NBAS: variants seen among roughly 807,000 people sequenced by gnomAD.
NBAS encodes NAG/BC035112 fusion.
A neutral mutation model predicts 302.5 loss-of-function variants in NBAS; 219 were observed. The ratio of observed to expected loss-of-function variants is 0.72; its 90% CI spans 0.65 to 0.81. The LOEUF is 0.81. NBAS is among the 30% of genes least tolerant of loss of function. The pLI, the probability that NBAS is intolerant of heterozygous loss-of-function variation, is 0.00. For synonymous variants in NBAS, 1,118 were observed against 1,021.6 expected (o/e 1.09, Z -1.80); for missense variants, 2,932 against 2,841.6 (o/e 1.03, Z -0.72).
chr2:14,848,728 C>G, the NBAS span, among the ~76,000 whole-genome samples: 1 of 151,244 alleles, frequency 6.6e-6, no homozygotes, highest in Non-Finnish European at 1.5e-5. Flanking sequence ...AGCTGGAGAT[C>G]TGAGAACGGG....
At chr2:14,798,080 C>T in the NBAS span, among the ~76,000 whole-genome samples, 3 of 152,042 alleles carry the variant, frequency 2.0e-5, no homozygotes, top group Admixed American at 6.6e-5. Flanking sequence ...CTCAAATATG[C>T]TATGTTTCTT....
chr2:15,154,560 T>C, the NBAS span, among the ~76,000 whole-genome samples: 2 of 152,194 alleles, frequency 1.3e-5, no homozygotes. Context: ...TCTACATTCT[T>C]GCATGATTCA....
rs1360905462 is a variant in NBAS at position 15,461,337 on chromosome 2, C to T, written c.2203G>A (p.Glu735Lys). ...ATTTCCAGGGCTTGTACATTACTTTCCTGTACAAAAGGCAAGGGGTAAGTT... is the reference window on the plus strand; with the variant it reads ...ATTTCCAGGGCTTGTACATTACTTTTCTGTACAAAAGGCAAGGGGTAAGTT... ...IVLSARTYAQ[E>K]SNVQALEILF... is the part of the protein sequence containing the mutation. The change falls in exon 21 of 52, where the codon GAA (glutamate) becomes AAA (lysine). Residue 735 changes from glutamate (E) to lysine (K), a missense_variant and splice_region_variant. Transcript: ENST00000281513. 3.7e-6 allele frequency: 6 copies of T among 1,611,378 alleles called. No individual in the cohort carries two copies. In the African/African-American group the frequency reaches 8.0e-5, roughly 22 times the overall value.
chr2:15,025,042 C>T, the NBAS span, among the ~76,000 whole-genome samples: 1 of 152,102 alleles, frequency 6.6e-6, no homozygotes, highest in South Asian at 2.1e-4. Flanking sequence ...TTTGCTAGTT[C>T]CAATGTCCAA....
At chr2:15,257,832 C>A (rs1388259305) in intron 44 of NBAS, among the ~76,000 whole-genome samples, 1 of 152,180 alleles carries the variant, frequency 6.6e-6, no homozygotes, top group African/African-American at 2.4e-5. Context: ...GGCAAAACTT[C>A]TCCACCCACT....
At chr2:15,077,974 G>A in the NBAS span, among the ~76,000 whole-genome samples, 2 of 152,076 alleles carry the variant, frequency 1.3e-5, no homozygotes, top group South Asian at 2.1e-4. Context: ...GAGCCACCAC[G>A]CCTGGCCCAA....
chr2:15,438,479 T>C (rs946111532), intron 21 of NBAS, among the ~76,000 whole-genome samples: 14 of 152,194 alleles, frequency 9.2e-5, no homozygotes, highest in African/African-American at 3.4e-4. Flanking sequence ...GGAACAGTAA[T>C]GAATCTCTTG....
chr2:15,086,452 C>T, the NBAS span, among the ~76,000 whole-genome samples: 3 of 152,224 alleles, frequency 2.0e-5, no homozygotes, highest in Non-Finnish European at 4.4e-5. Flanking sequence ...ACCCACCAAA[C>T]GGTGAGGCTA....
At chr2:15,556,011 A>G (rs1417297984) in intron 3 of NBAS, among the ~76,000 whole-genome samples, 2 of 152,098 alleles carry the variant, frequency 1.3e-5, no homozygotes, top group Non-Finnish European at 2.9e-5. Context: ...TCATTGCTCT[A>G]TCCTATCATA....
the NBAS span, among the ~76,000 whole-genome samples, chr2:15,088,637 G>A: frequency 0.068 from 10,411 of 152,248 alleles, 856 homozygotes; most frequent in African/African-American, 0.18. Flanking sequence ...GGGACCCAGC[G>A]ATTTCCTCTG....
At chr2:14,888,450 C>A in the NBAS span, among the ~76,000 whole-genome samples, 1 of 138,620 alleles carries the variant, frequency 7.2e-6, no homozygotes, top group Admixed American at 7.1e-5. Context: ...GGCACCCGGC[C>A]CCCCCTTTTT....
chr2:15,336,594 G>T (rs1672596576), intron 35 of NBAS, among the ~76,000 whole-genome samples: 1 of 152,080 alleles, frequency 6.6e-6, no homozygotes, highest in African/African-American at 2.4e-5. Context: ...GCCGGGTGTG[G>T]TGGCACACAC....
chr2:15,317,940 T>G (rs1476631011), intron 38 of NBAS, among the ~76,000 whole-genome samples: 2 of 151,934 alleles, frequency 1.3e-5, no homozygotes, highest in Non-Finnish European at 2.9e-5. Flanking sequence ...CCAAGACACA[T>G]AATTGTCAGA....
rs1277756519 is a variant in NBAS, at chr2:15,186,734, C to G, written c.6711+8G>C. 4 of 1,613,786 alleles carry G rather than the reference C, an allele frequency of 2.5e-6. No individual in the cohort carries two copies. Among genetic ancestry groups the G allele is most frequent in the Non-Finnish European group, 3.4e-6 (4 of 1,179,916 alleles). On this transcript the variant is annotated splice_region_variant and intron_variant, in intron 50 of 51. Transcript: ENST00000281513. ...CTCCTTAGGAAAGCACTCAAAATAT[C>G]CACTCACCTCTGCAGGCAGCATCTG...
chr2:15,048,815 A>T, the NBAS span, among the ~76,000 whole-genome samples: 52 of 152,360 alleles, frequency 3.4e-4, no homozygotes, highest in African/African-American at 9.4e-4. Flanking sequence ...TGTCCTGCAC[A>T]TGCGGGCTCA....
intron 23 of NBAS, among the ~76,000 whole-genome samples, chr2:15,423,290 C>A (rs1244721686): frequency 6.6e-6 from 1 of 152,114 alleles, no homozygotes; most frequent in African/African-American, 2.4e-5. Flanking sequence ...ACTAGGATGT[C>A]AATCACAAAT....
the NBAS span, among the ~76,000 whole-genome samples, chr2:14,977,960 CTCT>C: frequency 3.4e-4 from 51 of 151,884 alleles, no homozygotes; most frequent in African/African-American, 1.2e-3. Flanking sequence ...TTTATGTTAC[CTCT>C]TCTTGCCGCT....
At chr2:14,928,689 A>C in the NBAS span, among the ~76,000 whole-genome samples, 1 of 151,970 alleles carries the variant, frequency 6.6e-6, no homozygotes, top group Non-Finnish European at 1.5e-5. Flanking sequence ...CATGTATTTC[A>C]CTATGACGTT....
chr2:15,147,165 AG>A, the NBAS span, among the ~76,000 whole-genome samples: 2 of 152,102 alleles, frequency 1.3e-5, no homozygotes, highest in Non-Finnish European at 2.9e-5. Context: ...TGTCCCTGGG[AG>A]GCAGGATTGT....
Sources: gnomAD v4.1 joint callset for allele counts (sites outside exome capture counted in the v4.1 genomes callset) on GRCh38, gnomAD v4.1.1 for gene constraint, MANE v1.5 for transcripts, NCBI Gene and HGNC (gene_info 2026-07-23, HGNC 2026-07-21) for gene names.